METTL25: variants seen among roughly 807,000 people sequenced by gnomAD.
METTL25 encodes probable methyltransferase-like protein 25.
In METTL25, 64 loss-of-function variants were observed where a neutral mutation model predicts 71.6. The ratio of observed to expected loss-of-function variants is 0.89; its 90% CI spans 0.73 to 1.10. The LOEUF is 1.10. METTL25 is among the 50% of genes least tolerant of loss of function. METTL25 has a pLI of 0.00. For synonymous variants in METTL25, 287 were observed against 250.3 expected (o/e 1.15, Z -1.38); for missense variants, 807 against 707.0 (o/e 1.14, Z -1.60).
chr12:82,379,445 TATTTA>T (rs1180573247), intron 1 of METTL25, among the ~76,000 whole-genome samples: 2 of 152,254 alleles, frequency 1.3e-5, no homozygotes, highest in African/African-American at 2.4e-5. Context: ...TATTTATACA[TATTTA>T]ATTTATTCTT....
chr12:82,382,844 G>A (rs1475624672), intron 1 of METTL25, among the ~76,000 whole-genome samples: 2 of 151,868 alleles, frequency 1.3e-5, no homozygotes, highest in African/African-American at 4.8e-5. Flanking sequence ...AAGTAGCTGG[G>A]ACTACAGGTA....
chr12:82,392,841 T>C (rs2136973325), intron 3 of METTL25, among the ~76,000 whole-genome samples: 1 of 152,196 alleles, frequency 6.6e-6, no homozygotes, highest in East Asian at 1.9e-4. Context: ...CTAGTTTCAT[T>C]CTTCTGCTTA....
At chr12:82,438,357 A>G (rs1285150521) in intron 7 of METTL25, among the ~76,000 whole-genome samples, 1 of 151,676 alleles carries the variant, frequency 6.6e-6, no homozygotes, top group Admixed American at 6.6e-5. Context: ...TTTTTCACAC[A>G]TATCCTTCCT....
chr12:82,435,800 G>C (rs187950204), intron 7 of METTL25, among the ~76,000 whole-genome samples: 2 of 151,504 alleles, frequency 1.3e-5, no homozygotes, highest in Admixed American at 1.3e-4. Context: ...AATGCCAACT[G>C]TTGTTGCTGT....
intron 1 of METTL25, among the ~76,000 whole-genome samples, chr12:82,377,211 A>C (rs2136896274): frequency 6.6e-6 from 1 of 152,342 alleles, no homozygotes; most frequent in South Asian, 2.1e-4. Flanking sequence ...ATTTAAAAAA[A>C]ATTTAGTCAA....
At chr12:82,474,231 T>C (rs963350255) in intron 9 of METTL25, among the ~76,000 whole-genome samples, 16 of 152,250 alleles carry the variant, frequency 1.1e-4, no homozygotes, top group South Asian at 6.2e-4. Context: ...TAACAGGAAG[T>C]TTCTGCTGCT....
At chr12:82,392,025 G>A (rs918267412) in intron 3 of METTL25, among the ~76,000 whole-genome samples, 9 of 150,548 alleles carry the variant, frequency 6.0e-5, no homozygotes, top group Non-Finnish European at 4.4e-5. Context: ...CCATTTGTAT[G>A]TCTTCATGTG....
At chr12:82,477,044 C>T (rs1165227453) in intron 10 of METTL25, among the ~76,000 whole-genome samples, 1 of 151,810 alleles carries the variant, frequency 6.6e-6, no homozygotes, top group Non-Finnish European at 1.5e-5. Flanking sequence ...CTTTCTATCA[C>T]ATATGACTGC....
intron 5 of METTL25, among the ~76,000 whole-genome samples, chr12:82,427,108 AT>A (rs2137130242): frequency 6.6e-6 from 1 of 152,036 alleles, no homozygotes; most frequent in East Asian, 1.9e-4. Context: ...AAAATTGCCT[AT>A]ATATACTGCC....
At chr12:82,402,936 C>T (rs748887329) in intron 4 of METTL25, 47 bp from the exon 5 acceptor site, 2 of 1,411,198 alleles carry the variant, frequency 1.4e-6, no homozygotes, top group Non-Finnish European at 9.8e-7. Context: ...TTTTAAACAA[C>T]CCTCTTTTTA....
At chr12:82,363,998 T>C (rs562998217) in intron 1 of METTL25, among the ~76,000 whole-genome samples, 1 of 152,368 alleles carries the variant, frequency 6.6e-6, no homozygotes, top group Non-Finnish European at 1.5e-5. Flanking sequence ...TTAATTATAG[T>C]ACCTACTTTA....
intron 1 of METTL25, chr12:82,369,684 G>A (rs181617628): frequency 5.2e-5 from 12 of 231,076 alleles, no homozygotes; most frequent in East Asian, 3.0e-4. Flanking sequence ...GGTTGCTGCT[G>A]TTGGCTGGGG....
chr12:82,400,836 T>C (rs1886560978), intron 4 of METTL25, among the ~76,000 whole-genome samples: 1 of 152,092 alleles, frequency 6.6e-6, no homozygotes, highest in African/African-American at 2.4e-5. Context: ...ACTACATATT[T>C]TTGTCTCCTA....
rs1355810960 is a variant in METTL25, at chr12:82,398,995, A to G, written c.732A>G (p.Lys244=). The change falls in exon 4 of 12, where the codon AAA becomes AAG. Residue 244 remains lysine (K), a synonymous_variant. Transcript: ENST00000248306. ...DVNGLALKMA[K]ERKVQNKVKN... ...ATGGACTAGCATTAAAAATGGCAAA[A>G]GAAAGGAAAGTGCAAAATAAAGTTA... 1 of 1,609,202 alleles carries G rather than the reference A, an allele frequency of 6.2e-7. No individual in the cohort carries two copies. Among genetic ancestry groups the G allele is most frequent in the South Asian group, 1.1e-5 (1 of 90,276 alleles).
At chr12:82,457,629 A>G (rs1005820381) in intron 9 of METTL25, among the ~76,000 whole-genome samples, 4 of 152,046 alleles carry the variant, frequency 2.6e-5, no homozygotes, top group Non-Finnish European at 5.9e-5. Context: ...TAAGAAAGCC[A>G]TAGGATTTAG....
intron 5 of METTL25, among the ~76,000 whole-genome samples, chr12:82,427,617 C>G (rs1461451637): frequency 6.6e-6 from 1 of 151,968 alleles, no homozygotes; most frequent in Non-Finnish European, 1.5e-5. Flanking sequence ...AAATCTTCCT[C>G]TCATCCTTAT....
intron 1 of METTL25, among the ~76,000 whole-genome samples, chr12:82,366,545 ATAGAT>A (rs1461525414): frequency 6.6e-6 from 1 of 151,964 alleles, no homozygotes; most frequent in Non-Finnish European, 1.5e-5. Context: ...TATGTCCATG[ATAGAT>A]TATTCTTTTA....
intron 8 of METTL25, among the ~76,000 whole-genome samples, chr12:82,447,390 A>G (rs1339163801): frequency 6.6e-6 from 1 of 152,230 alleles, no homozygotes; most frequent in Non-Finnish European, 1.5e-5. Context: ...TCATGTATAT[A>G]GAAGTATTTT....
At chr12:82,465,120 A>T (rs1008206771) in intron 9 of METTL25, among the ~76,000 whole-genome samples, 1 of 151,730 alleles carries the variant, frequency 6.6e-6, no homozygotes, top group Non-Finnish European at 1.5e-5. Flanking sequence ...AATTGTTCTG[A>T]TTAGAACTTC....
Sources: allele counts gnomAD v4.1 joint callset (sites outside exome capture counted in the v4.1 genomes callset), GRCh38; gene constraint gnomAD v4.1.1; transcripts MANE v1.5; gene names NCBI Gene and HGNC (gene_info 2026-07-23, HGNC 2026-07-21).